The following GABBR2 variants were observed in gnomAD, a reference collection of about 807,000 sequenced individuals.
The protein encoded by GABBR2 is G-protein coupled receptor 51.
GABBR2 carries 23 observed loss-of-function variants against 105.6 expected under a neutral mutation model. The observed-to-expected ratio is 0.22, with a 90% CI of 0.16 to 0.31. GABBR2 has a LOEUF of 0.31. Ranked by LOEUF, GABBR2 falls within the 10% of genes least tolerant of loss-of-function variation. GABBR2 has a pLI of 1.00. For synonymous variants in GABBR2, 478 were observed against 499.7 expected, an observed-to-expected ratio of 0.96 and a Z score of 0.58; for missense variants, 734 against 1,245.5, an observed-to-expected ratio of 0.59 and a Z score of 6.18.
rs946852101 is a variant in GABBR2 at position 98,546,059 on chromosome 9, T to C, written c.460-4016A>G. Among the ~76,000 whole-genome samples the C allele has an allele frequency of 2.0e-5, 3 of 152,246 alleles. No individual in the cohort carries two copies. The East Asian group carries it at 5.8e-4, about 29-fold the overall frequency. On this transcript the variant is annotated intron_variant, in intron 2 of 18. Coordinates refer to ENST00000259455, the MANE Select transcript of GABBR2 (RefSeq NM_005458.8). The stretch of plus-strand genomic sequence containing the variant: ...TTTAATTTCTAGTTTTCTTATAATT[T>C]CTAGTTTTATTGCATTATTTTGAGA...
chr9:98,462,135 A>G (rs1006257434), intron 6 of GABBR2, among the ~76,000 whole-genome samples: 10 of 152,228 alleles, frequency 6.6e-5, no homozygotes, highest in Non-Finnish European at 1.5e-4. Context: ...GCTTCTGCCT[A>G]GTCTCTCTTT....
intron 13 of GABBR2, among the ~76,000 whole-genome samples, chr9:98,329,845 C>T (rs1830992254): frequency 6.6e-6 from 1 of 151,984 alleles, no homozygotes; most frequent in South Asian, 2.1e-4. Flanking sequence ...TCTCTCCTCT[C>T]CTCTCCTTTT....
At chr9:98,466,608 G>T (rs544938361) in intron 6 of GABBR2, among the ~76,000 whole-genome samples, 1 of 151,002 alleles carries the variant, frequency 6.6e-6, no homozygotes, top group South Asian at 2.1e-4. Flanking sequence ...CTATGTGTTT[G>T]CACTTGGTAA....
intron 5 of GABBR2, 105 bp downstream of exon 5, chr9:98,480,827 C>G: frequency 1.3e-6 from 1 of 750,358 alleles, no homozygotes; most frequent in South Asian, 1.5e-5. Context: ...AACCCAGGCT[C>G]CAGTCCTGTG....
intron 6 of GABBR2, among the ~76,000 whole-genome samples, chr9:98,462,407 A>G (rs1236416934): frequency 6.6e-6 from 1 of 152,236 alleles, no homozygotes; most frequent in Non-Finnish European, 1.5e-5. Context: ...TAACTGTCAA[A>G]TAATTCATAT....
chr9:98,431,738 C>T (rs1442939724), intron 7 of GABBR2, among the ~76,000 whole-genome samples: 3 of 152,016 alleles, frequency 2.0e-5, no homozygotes, highest in Non-Finnish European at 4.4e-5. Flanking sequence ...CTCTATCACC[C>T]AGGCTGAAAT....
At chr9:98,444,354 T>A (rs1182452719) in intron 7 of GABBR2, among the ~76,000 whole-genome samples, 1 of 152,058 alleles carries the variant, frequency 6.6e-6, no homozygotes, top group Non-Finnish European at 1.5e-5. Flanking sequence ...AGGTTAGGTC[T>A]CACTGGGAAG....
At chr9:98,355,330 G>A (rs1168116537) in intron 13 of GABBR2, among the ~76,000 whole-genome samples, 1 of 150,770 alleles carries the variant, frequency 6.6e-6, no homozygotes, top group Admixed American at 6.6e-5. Context: ...CAGAAAAAAT[G>A]GTGCTTATAG....
chr9:98,509,420 G>C (rs1168416210), intron 3 of GABBR2, among the ~76,000 whole-genome samples: 1 of 152,218 alleles, frequency 6.6e-6, no homozygotes. Flanking sequence ...GCTGGATGGA[G>C]AATGACTTTG....
chr9:98,298,128 T>C (rs1667325445), intron 17 of GABBR2, among the ~76,000 whole-genome samples: 1 of 152,126 alleles, frequency 6.6e-6, no homozygotes, highest in African/African-American at 2.4e-5. Flanking sequence ...GTGAATACTG[T>C]TAGCAATTTG....
At chr9:98,479,771 C>T (rs1237873927) in intron 5 of GABBR2, among the ~76,000 whole-genome samples, 1 of 152,152 alleles carries the variant, frequency 6.6e-6, no homozygotes, top group Non-Finnish European at 1.5e-5. Flanking sequence ...TTGAGGTCAC[C>T]TCGGCTCTCT....
intron 13 of GABBR2, among the ~76,000 whole-genome samples, chr9:98,324,079 A>T (rs138359555): frequency 2.5e-4 from 38 of 152,252 alleles, no homozygotes; most frequent in African/African-American, 7.5e-4. Context: ...AACTTACCCA[A>T]GCTCACACAT....
At chr9:98,509,851 A>T (rs2131694103) in intron 3 of GABBR2, among the ~76,000 whole-genome samples, 1 of 152,140 alleles carries the variant, frequency 6.6e-6, no homozygotes, top group Non-Finnish European at 1.5e-5. Flanking sequence ...ACTCTGCAGG[A>T]TATTATCCAG....
chr9:98,656,968 G>T (rs961181726), intron 1 of GABBR2, among the ~76,000 whole-genome samples: 2 of 152,214 alleles, frequency 1.3e-5, no homozygotes, highest in Non-Finnish European at 1.5e-5. Flanking sequence ...TGGCTCTTAG[G>T]CCACATTCAA....
At chr9:98,330,140 C>A (rs950904684) in intron 13 of GABBR2, among the ~76,000 whole-genome samples, 1 of 152,182 alleles carries the variant, frequency 6.6e-6, no homozygotes, top group Non-Finnish European at 1.5e-5. Context: ...TACTTTCTAT[C>A]GGCAAGCTGC....
chr9:98,537,361 G>T (rs1301181157), intron 3 of GABBR2, among the ~76,000 whole-genome samples: 2 of 152,190 alleles, frequency 1.3e-5, no homozygotes, highest in Non-Finnish European at 2.9e-5. Flanking sequence ...CTGGGGCTGG[G>T]GGGTGGAACT....
At chr9:98,694,454 T>A (rs1490243339) in intron 1 of GABBR2, among the ~76,000 whole-genome samples, 1 of 152,250 alleles carries the variant, frequency 6.6e-6, no homozygotes, top group African/African-American at 2.4e-5. Context: ...TTGTTCTAGA[T>A]TCTTCGGTAA....
At chr9:98,564,209 T>C (rs933040803) in intron 2 of GABBR2, among the ~76,000 whole-genome samples, 7 of 152,158 alleles carry the variant, frequency 4.6e-5, no homozygotes, top group African/African-American at 1.7e-4. Context: ...CCAACACAGC[T>C]GGAGAGGGAG....
At chr9:98,302,440 G>T (rs1830484478) in intron 16 of GABBR2, among the ~76,000 whole-genome samples, 1 of 152,224 alleles carries the variant, frequency 6.6e-6, no homozygotes. Flanking sequence ...GAGCAGAGCT[G>T]CCCCAACCGG....
Sources: allele counts gnomAD v4.1 joint callset (sites outside exome capture counted in the v4.1 genomes callset), GRCh38; gene constraint gnomAD v4.1.1; transcripts MANE v1.5; gene names NCBI Gene and HGNC (gene_info 2026-07-23, HGNC 2026-07-21).